Variants in KCNAB1 observed in about 807,000 individuals in gnomAD.
KCNAB1 encodes potassium voltage-gated channel subfamily A regulatory beta subunit 1, also known as voltage-gated potassium channel subunit beta-1.
Under a neutral mutation model 64.6 loss-of-function variants are expected in KCNAB1, and 35 were observed. That is an observed-to-expected ratio of 0.54 (90% CI 0.41 to 0.72). KCNAB1 has a LOEUF of 0.72. Ranked by LOEUF, KCNAB1 falls within the 30% of genes least tolerant of loss-of-function variation. The pLI, the probability that KCNAB1 is intolerant of heterozygous loss-of-function variation, is 0.00. For synonymous variants in KCNAB1, 177 were observed against 183.8 expected, an observed-to-expected ratio of 0.96 and a Z score of 0.30; for missense variants, 401 against 512.9, an observed-to-expected ratio of 0.78 and a Z score of 2.11.
Position 156,120,686 on chromosome 3 carries a change from G to A in KCNAB1, c.75G>A (p.Gly25=). ...EENTKLRRQS[G]FSVAGKDKSP... is the part of the protein sequence containing the mutation. The stretch of plus-strand genomic sequence containing the variant: ...ACACCAAGTTAAGGAGACAGTCTGG[G>A]TTTTCTGTAGCAGGGAAAGACAAAT... The change falls in exon 1 of 14, where the codon GGG becomes GGA. Residue 25 remains glycine (G), a synonymous_variant. Transcript: ENST00000490337. The A allele has an allele frequency of 6.2e-7, 1 of 1,614,252 alleles. No individual in the cohort carries two copies. Among genetic ancestry groups the A allele is most frequent in the Non-Finnish European group, 8.5e-7 (1 of 1,180,050 alleles).
chr3:156,222,551 C>T (rs949839926), intron 1 of KCNAB1, among the ~76,000 whole-genome samples: 2 of 152,160 alleles, frequency 1.3e-5, no homozygotes, highest in Admixed American at 6.5e-5. Flanking sequence ...AAACAATGGA[C>T]TTAAACTATA....
At chr3:156,533,221 A>G (rs1718823213) in intron 13 of KCNAB1, among the ~76,000 whole-genome samples, 1 of 152,206 alleles carries the variant, frequency 6.6e-6, no homozygotes, top group South Asian at 2.1e-4. Flanking sequence ...GAAATGGGTG[A>G]GCCTACATTA....
At chr3:156,532,242 G>C (rs921064078) in intron 13 of KCNAB1, among the ~76,000 whole-genome samples, 1 of 152,186 alleles carries the variant, frequency 6.6e-6, no homozygotes, top group African/African-American at 2.4e-5. Context: ...ATTCTGGGGA[G>C]CCTGTAGTGG....
At chr3:156,281,342 T>A (rs1299754420) in intron 1 of KCNAB1, among the ~76,000 whole-genome samples, 2 of 152,066 alleles carry the variant, frequency 1.3e-5, no homozygotes, top group African/African-American at 4.8e-5. Flanking sequence ...ATAAGCTTTT[T>A]GATGTGCTGC....
chr3:156,144,034 T>G (rs1433398855), intron 1 of KCNAB1, among the ~76,000 whole-genome samples: 1 of 151,970 alleles, frequency 6.6e-6, no homozygotes, highest in Non-Finnish European at 1.5e-5. Flanking sequence ...AAAGGAGAAA[T>G]GTTTTCTTGG....
At chr3:156,344,248 A>G (rs899350380) in intron 1 of KCNAB1, among the ~76,000 whole-genome samples, 1 of 152,178 alleles carries the variant, frequency 6.6e-6, no homozygotes, top group African/African-American at 2.4e-5. Context: ...AAAATCAAAC[A>G]TGGTCCTCTA....
Position 156,521,669 on chromosome 3 carries a change from C to T in KCNAB1, c.961-2158C>T, listed in dbSNP as rs112729829. Among the ~76,000 whole-genome samples the T allele has an allele frequency of 3.7e-3, 564 of 152,302 alleles. 1 individual carries two copies. Among genetic ancestry groups the T allele is most frequent in the Middle Eastern group, 0.017 (5 of 294 alleles). Reference sequence around the variant, plus strand: ...TTTATTACTGCCACAACCACACCCACCTCCAACCTTCCTACAAAACACACT... The same window carrying T: ...TTTATTACTGCCACAACCACACCCATCTCCAACCTTCCTACAAAACACACT... On this transcript the variant is annotated intron_variant, in intron 11 of 13. Coordinates refer to ENST00000490337, the MANE Select transcript of KCNAB1 (RefSeq NM_172160.3).
chr3:156,338,303 CTTTTTTTTTTTTTT>C (rs34671816), intron 1 of KCNAB1, among the ~76,000 whole-genome samples: 2 of 39,488 alleles, frequency 5.1e-5, no homozygotes, highest in Non-Finnish European at 9.5e-5. Context: ...GGCATTTGCA[CTTTTTTTTTTTTTT>C]TTTTTTTTTT....
chr3:156,157,191 C>T (rs1173697459), intron 1 of KCNAB1, among the ~76,000 whole-genome samples: 2 of 152,178 alleles, frequency 1.3e-5, no homozygotes, highest in Non-Finnish European at 2.9e-5. Context: ...ACTTTCTACA[C>T]AGCACTATGC....
Position 156,158,180 on chromosome 3 carries a change from A to T in KCNAB1, c.275+37294A>T, listed in dbSNP as rs1335133210. On this transcript the variant is annotated intron_variant, in intron 1 of 13. Coordinates refer to ENST00000490337, the MANE Select transcript of KCNAB1 (RefSeq NM_172160.3). ...ACTCTGTCTCAAAAAAAAAAATAAAAAATAAATAAATAAATAAATAAATAA... is the reference window on the plus strand; with the variant it reads ...ACTCTGTCTCAAAAAAAAAAATAAATAATAAATAAATAAATAAATAAATAA... Among the ~76,000 whole-genome samples, 185 of 61,204 alleles carry T rather than the reference A, an allele frequency of 3.0e-3. 7 individuals carry two copies. In the South Asian group the frequency reaches 0.043, roughly 14 times the overall value. The allele number at this position is 61,204 out of a possible 152,430, so 40.2% of individuals were successfully genotyped here.
At chr3:156,179,375 A>G (rs1341413495) in intron 1 of KCNAB1, among the ~76,000 whole-genome samples, 1 of 152,114 alleles carries the variant, frequency 6.6e-6, no homozygotes, top group Non-Finnish European at 1.5e-5. Flanking sequence ...TATAAAATTA[A>G]AAACAATTTA....
intron 1 of KCNAB1, among the ~76,000 whole-genome samples, chr3:156,164,630 A>G (rs1300076750): frequency 1.3e-5 from 2 of 152,172 alleles, no homozygotes; most frequent in African/African-American, 4.8e-5. Flanking sequence ...AGGGAGAAAA[A>G]CATGCTAGAT....
intron 1 of KCNAB1, among the ~76,000 whole-genome samples, chr3:156,157,359 G>A (rs1280410592): frequency 6.6e-6 from 1 of 152,014 alleles, no homozygotes; most frequent in African/African-American, 2.4e-5. Context: ...TAAGAAATTG[G>A]CCCTACCTAT....
At chr3:156,429,876 A>G (rs931598076) in intron 2 of KCNAB1, among the ~76,000 whole-genome samples, 3 of 152,240 alleles carry the variant, frequency 2.0e-5, no homozygotes, top group African/African-American at 7.2e-5. Flanking sequence ...CGTAACTCCG[A>G]AATACCCATA....
intron 1 of KCNAB1, among the ~76,000 whole-genome samples, chr3:156,231,840 A>C (rs548137892): frequency 7.2e-5 from 11 of 152,220 alleles, no homozygotes; most frequent in Non-Finnish European, 1.2e-4. Flanking sequence ...TCTGAAACAA[A>C]TCAATGTATT....
At chr3:156,273,140 A>G (rs1191949527) in intron 1 of KCNAB1, among the ~76,000 whole-genome samples, 1 of 151,790 alleles carries the variant, frequency 6.6e-6, no homozygotes, top group Non-Finnish European at 1.5e-5. Flanking sequence ...AAAAAAAAAA[A>G]ACGGGTCTCT....
chr3:156,478,291 G>C (rs1212420879), intron 8 of KCNAB1, among the ~76,000 whole-genome samples: 1 of 152,042 alleles, frequency 6.6e-6, no homozygotes, highest in Non-Finnish European at 1.5e-5. Flanking sequence ...TGGTTGCCAA[G>C]TATATATTGT....
At chr3:156,431,433 T>C (rs1363864351) in intron 2 of KCNAB1, among the ~76,000 whole-genome samples, 1 of 151,918 alleles carries the variant, frequency 6.6e-6, no homozygotes, top group Non-Finnish European at 1.5e-5. Context: ...GCCAGTGGAG[T>C]GGGGCTGTGC....
chr3:156,458,453 C>T (rs1316000030), intron 4 of KCNAB1, among the ~76,000 whole-genome samples: 3 of 152,238 alleles, frequency 2.0e-5, no homozygotes, highest in Non-Finnish European at 4.4e-5. Flanking sequence ...TAATCACCTG[C>T]AGGCCTAATT....
Sources: allele counts gnomAD v4.1 joint callset (sites outside exome capture counted in the v4.1 genomes callset), GRCh38; gene constraint gnomAD v4.1.1; transcripts MANE v1.5; gene names NCBI Gene and HGNC (gene_info 2026-07-23, HGNC 2026-07-21).